Variants in RAB21 observed in about 807,000 individuals in gnomAD.
The protein encoded by RAB21 is ras-related protein Rab-21.
RAB21 carries 13 observed loss-of-function variants against 33.1 expected under a neutral mutation model. The ratio of observed to expected loss-of-function variants is 0.39; its 90% CI spans 0.26 to 0.62. The LOEUF (loss-of-function observed/expected upper bound fraction) is 0.62, where lower values mean the gene tolerates loss of function less well. Among genes scored for constraint, RAB21 ranks in the 20% least tolerant of loss-of-function variants. The pLI is 0.48. For synonymous variants in RAB21, 91 were observed against 103.7 expected (o/e 0.88, Z 0.74); for missense variants, 234 against 279.1 (o/e 0.84, Z 1.15).
intron 4 of RAB21, among the ~76,000 whole-genome samples, chr12:71,780,021 T>C (rs1883175153): frequency 6.6e-6 from 1 of 152,206 alleles, no homozygotes. Flanking sequence ...CACTGATTAT[T>C]CAAAGAAATA....
intron 1 of RAB21, among the ~76,000 whole-genome samples, chr12:71,767,603 A>G (rs150702371): frequency 6.6e-6 from 1 of 152,212 alleles, no homozygotes; most frequent in African/African-American, 2.4e-5. Flanking sequence ...ATGTTACGAT[A>G]TAATAAGAGA....
At chr12:71,762,923 G>C (rs1387543574) in intron 1 of RAB21, among the ~76,000 whole-genome samples, 1 of 152,100 alleles carries the variant, frequency 6.6e-6, no homozygotes, top group East Asian at 1.9e-4. Flanking sequence ...CCTTGCTAGA[G>C]AGGGCTAATT....
At chr12:71,768,563 A>G (rs897964889) in intron 1 of RAB21, among the ~76,000 whole-genome samples, 13 of 151,570 alleles carry the variant, frequency 8.6e-5, no homozygotes, top group African/African-American at 2.4e-4. Context: ...CTCCTTTTTT[A>G]TATTTTTCTC....
At position 71,787,741 on chromosome 12, in the gene RAB21, G is replaced by T. The variant is rs1319758108; in HGVS notation, c.*2068G>T. The T allele has an allele frequency of 6.6e-6, 1 of 152,144 alleles. No homozygotes were observed. The highest frequency in any genetic ancestry group is 1.5e-5 in the Non-Finnish European group (1 of 68,034). 9.4% of individuals were successfully genotyped at this position (152,144 alleles called of 1,614,324 possible). The stretch of plus-strand genomic sequence containing the variant: ...GTTATGTGTTTTTGAGGAAGTTGGG[G>T]TGGGAAGAGTCAGGGAGATAAGCTA... On this transcript the variant is annotated 3_prime_UTR_variant, in exon 7 of 7. Coordinates refer to ENST00000261263, the MANE Select transcript of RAB21 (RefSeq NM_014999.4).
Position 71,789,168 on chromosome 12 carries a change from A to G in RAB21, c.*3495A>G, listed in dbSNP as rs1321063110. ...AATAGAATGGAAGTCAAGTAAATAAAAAACTACAACCTGACAGTTTTTTAA... is the reference window on the plus strand; with the variant it reads ...AATAGAATGGAAGTCAAGTAAATAAGAAACTACAACCTGACAGTTTTTTAA... On this transcript the variant is annotated 3_prime_UTR_variant, in exon 7 of 7. Transcript: ENST00000261263. 4 of 152,014 alleles carry G rather than the reference A, an allele frequency of 2.6e-5. No homozygotes were observed. The highest frequency in any genetic ancestry group is 4.4e-5 in the Non-Finnish European group (3 of 67,944). 9.4% of individuals were successfully genotyped at this position (152,014 alleles called of 1,614,324 possible).
In RAB21 at chr12:71,785,945, A is replaced by C. The variant is rs1164374940; in HGVS notation, c.*272A>C. On this transcript the variant is annotated 3_prime_UTR_variant, in exon 7 of 7. Transcript: ENST00000261263. ...GAGACGGAGTCTCGCTCTGTCACCC[A>C]GGCTGGAGTGCACTGGCTTGATCTC... 3.4e-6 allele frequency: 1 copy of C among 295,756 alleles called. No homozygotes were observed. The highest frequency in any genetic ancestry group is 6.2e-6 in the Non-Finnish European group (1 of 160,090). 18.3% of individuals were successfully genotyped at this position (295,756 alleles called of 1,614,324 possible).
intron 1 of RAB21, among the ~76,000 whole-genome samples, chr12:71,766,886 G>A (rs1026358133): frequency 6.6e-6 from 1 of 152,144 alleles, no homozygotes; most frequent in Non-Finnish European, 1.5e-5. Flanking sequence ...GTCCTAAGAA[G>A]ATAGATGTGG....
At chr12:71,778,031 C>T (rs1208869820) in intron 4 of RAB21, among the ~76,000 whole-genome samples, 5 of 152,126 alleles carry the variant, frequency 3.3e-5, no homozygotes, top group Non-Finnish European at 5.9e-5. Flanking sequence ...CCAGCTTGTT[C>T]TCATGTAACT....
At position 71,789,102 on chromosome 12, in the gene RAB21, G is replaced by C. The variant is rs977702662; in HGVS notation, c.*3429G>C. On this transcript the variant is annotated 3_prime_UTR_variant, in exon 7 of 7. Transcript: ENST00000261263. ...ACTTCACTTTTAGGTTTTTAGTAGT[G>C]AAAGATAAAATTGGAAAAATAGGGA... 1.3e-5 allele frequency: 2 copies of C among 151,704 alleles called. No individual in the cohort carries two copies. Among genetic ancestry groups the C allele is most frequent in the African/African-American group, 2.4e-5 (1 of 41,306 alleles). 9.4% of individuals were successfully genotyped at this position (151,704 alleles called of 1,614,324 possible).
rs1288147673 is a variant in RAB21, at chr12:71,786,503, T to C, written c.*830T>C. ...CCCGTAACTGTCTACTACTTTGATA[T>C]AATCTGTATACATCCTGTATGCTGA... On this transcript the variant is annotated 3_prime_UTR_variant, in exon 7 of 7. Transcript: ENST00000261263. 1 of 152,658 alleles carries C rather than the reference T, an allele frequency of 6.6e-6. No homozygotes were observed. Among genetic ancestry groups the C allele is most frequent in the Non-Finnish European group, 1.5e-5 (1 of 68,040 alleles). 9.5% of individuals were successfully genotyped at this position (152,658 alleles called of 1,614,324 possible). A position where few individuals can be genotyped will look rare whatever the true frequency, so the allele number is the denominator to read the frequency against.
At chr12:71,757,968 T>C (rs1882810404) in intron 1 of RAB21, among the ~76,000 whole-genome samples, 3 of 151,960 alleles carry the variant, frequency 2.0e-5, no homozygotes. Context: ...GGAGGTGAAA[T>C]GAACTGGTAT....
At position 71,782,733 on chromosome 12, in the gene RAB21, C is replaced by A. The variant is rs1291598612; in HGVS notation, c.535+75C>A. On this transcript the variant is annotated intron_variant, in intron 6 of 6. Transcript: ENST00000261263. ...TTTTTAAAAAATAGTATGTATTTTACACCAGTGTTACTTTTCAAAGAATTG... is the reference window on the plus strand; with the variant it reads ...TTTTTAAAAAATAGTATGTATTTTAAACCAGTGTTACTTTTCAAAGAATTG... The A allele has an allele frequency of 1.3e-5, 12 of 942,650 alleles. No individual in the cohort carries two copies. In the East Asian group the frequency reaches 3.0e-4, roughly 24 times the overall value. 58.4% of individuals were successfully genotyped at this position (942,650 alleles called of 1,614,324 possible).
chr12:71,784,764 C>T (rs933593056), intron 6 of RAB21, among the ~76,000 whole-genome samples: 1 of 152,004 alleles, frequency 6.6e-6, no homozygotes, highest in African/African-American at 2.4e-5. Flanking sequence ...CTGTGTTCTT[C>T]GAAGTTCCCT....
intron 1 of RAB21, among the ~76,000 whole-genome samples, chr12:71,762,413 C>G (rs1261154186): frequency 6.6e-6 from 1 of 152,132 alleles, no homozygotes; most frequent in Non-Finnish European, 1.5e-5. Context: ...TCACGCCATT[C>G]TCCTGCCTCA....
In RAB21 at chr12:71,788,700, GTTAAC is replaced by G. The variant is rs1447849951; in HGVS notation, c.*3031_*3035del. ...TTTTTTCAGCCAGTAAGCATATACAGTTAACTTATATAATTAAAAATTGGTTTAAG... is the reference window on the plus strand; with the variant it reads ...TTTTTTCAGCCAGTAAGCATATACAGTTATATAATTAAAAATTGGTTTAAG... On this transcript the variant is annotated 3_prime_UTR_variant, in exon 7 of 7. Coordinates refer to ENST00000261263, the MANE Select transcript of RAB21 (RefSeq NM_014999.4). The G allele has an allele frequency of 3.9e-5, 6 of 152,106 alleles. No individual in the cohort carries two copies. Among genetic ancestry groups the G allele is most frequent in the Admixed American group, 3.3e-4 (5 of 15,268 alleles). The allele number at this position is 152,106 out of a possible 1,614,324, so 9.4% of individuals were successfully genotyped here. A position where few individuals can be genotyped will look rare whatever the true frequency, so the allele number is the denominator to read the frequency against.
At chr12:71,780,609 C>A (rs886271423) in intron 4 of RAB21, among the ~76,000 whole-genome samples, 3 of 152,174 alleles carry the variant, frequency 2.0e-5, no homozygotes, top group African/African-American at 7.2e-5. Context: ...ATCCACTGAG[C>A]TTTAGTGTTG....
chr12:71,775,783 C>T (rs1287293164), intron 4 of RAB21, among the ~76,000 whole-genome samples: 1 of 152,164 alleles, frequency 6.6e-6, no homozygotes, highest in Non-Finnish European at 1.5e-5. Flanking sequence ...GACCCACCCG[C>T]CTCAGCCTCC....
At chr12:71,776,289 T>C (rs922298347) in intron 4 of RAB21, among the ~76,000 whole-genome samples, 7 of 152,124 alleles carry the variant, frequency 4.6e-5, no homozygotes, top group Non-Finnish European at 1.0e-4. Context: ...CATGAATAGT[T>C]TAAAGTGTGT....
intron 1 of RAB21, among the ~76,000 whole-genome samples, chr12:71,760,336 G>C (rs1009773585): frequency 3.9e-5 from 6 of 152,140 alleles, no homozygotes; most frequent in Non-Finnish European, 7.3e-5. Flanking sequence ...GTTACTGATA[G>C]TTACGGAGTA....
Sources: gnomAD v4.1 joint callset for allele counts (sites outside exome capture counted in the v4.1 genomes callset) on GRCh38, gnomAD v4.1.1 for gene constraint, MANE v1.5 for transcripts, NCBI Gene and HGNC (gene_info 2026-07-23, HGNC 2026-07-21) for gene names.